Variants in CSTF3 observed in about 807,000 individuals in gnomAD.
CSTF3 encodes cleavage stimulation factor subunit 3, also known as CF-1 77 kDa subunit.
CSTF3 carries 29 observed loss-of-function variants against 105.8 expected under a neutral mutation model. The observed-to-expected ratio is 0.27, with a 90% confidence interval of 0.20 to 0.37. The LOEUF is 0.37. Ranked by LOEUF, CSTF3 falls within the 10% of genes least tolerant of loss-of-function variation. The probability of loss-of-function intolerance (pLI) is 1.00; values close to 1 mark genes in which losing one functional copy is unlikely to be tolerated. For synonymous variants in CSTF3, 252 were observed against 281.9 expected (o/e 0.89, Z 1.06); for missense variants, 357 against 879.3 (o/e 0.41, Z 7.51).
intron 1 of CSTF3, among the ~76,000 whole-genome samples, chr11:33,158,926 G>C (rs1849900748): frequency 6.6e-6 from 1 of 152,070 alleles, no homozygotes; most frequent in South Asian, 2.1e-4. Context: ...GAGAAGAATG[G>C]TGAGACTACT....
chr11:33,159,030 G>T (rs144695118), intron 1 of CSTF3, among the ~76,000 whole-genome samples: 7 of 152,226 alleles, frequency 4.6e-5, no homozygotes, highest in Non-Finnish European at 1.0e-4. Flanking sequence ...GAAATTTAAA[G>T]AACTAGATTT....
At chr11:33,086,624 G>C (rs910261492) in intron 18 of CSTF3, among the ~76,000 whole-genome samples, 1 of 152,070 alleles carries the variant, frequency 6.6e-6, no homozygotes, top group African/African-American at 2.4e-5. Context: ...TTTTAATAAA[G>C]ACAAAGTTTC....
intron 1 of CSTF3, among the ~76,000 whole-genome samples, chr11:33,155,208 T>C (rs1180118392): frequency 6.6e-6 from 1 of 151,570 alleles, no homozygotes; most frequent in Non-Finnish European, 1.5e-5. Flanking sequence ...TATAAAAAAT[T>C]AGCTGGGCGT....
In CSTF3 at chr11:33,085,011, C is replaced by G. The variant is rs1564999772; in HGVS notation, c.*76G>C. ...TGTTTCCAAGAACCTTGTAACAAAG[C>G]GTTGTCTCTTTTAAACATACCACTT... On this transcript the variant is annotated 3_prime_UTR_variant, in exon 21 of 21. Transcript: ENST00000323959. 6.8e-7 allele frequency: 1 copy of G among 1,469,998 alleles called. No homozygotes were observed. Among genetic ancestry groups the G allele is most frequent in the South Asian group, 1.1e-5 (1 of 87,366 alleles). The allele number at this position is 1,469,998 out of a possible 1,614,324, so 91.1% of individuals were successfully genotyped here. A position where few individuals can be genotyped will look rare whatever the true frequency, so the allele number is the denominator to read the frequency against.
Position 33,084,937 on chromosome 11 carries a change from G to A in CSTF3, c.*150C>T. On this transcript the variant is annotated 3_prime_UTR_variant, in exon 21 of 21. Coordinates refer to ENST00000323959, the MANE Select transcript of CSTF3 (RefSeq NM_001326.3). Reference sequence around the variant, plus strand: ...TTCTAAAATTCACACAGGTTGGTTTGTTTTTTCTCAAGAACCATGTGATAG... The same window carrying A: ...TTCTAAAATTCACACAGGTTGGTTTATTTTTTCTCAAGAACCATGTGATAG... 1.2e-6 allele frequency: 1 copy of A among 845,672 alleles called. No individual in the cohort carries two copies. The highest frequency in any genetic ancestry group is 1.9e-6 in the Non-Finnish European group (1 of 533,142). The allele number at this position is 845,672 out of a possible 1,614,324, so 52.4% of individuals were successfully genotyped here. A position where few individuals can be genotyped will look rare whatever the true frequency, so the allele number is the denominator to read the frequency against.
chr11:33,125,966 C>T (rs2133789770), intron 3 of CSTF3, among the ~76,000 whole-genome samples: 1 of 152,282 alleles, frequency 6.6e-6, no homozygotes, highest in African/African-American at 2.4e-5. Flanking sequence ...TAGCTGTTTT[C>T]AGTGAGAGAG....
At chr11:33,135,398 T>C (rs1935866016) in intron 3 of CSTF3, among the ~76,000 whole-genome samples, 1 of 152,140 alleles carries the variant, frequency 6.6e-6, no homozygotes, top group Non-Finnish European at 1.5e-5. Context: ...AAGATTCAAT[T>C]ACTGCCCTGC....
At chr11:33,109,689 G>A (rs1050066750) in intron 3 of CSTF3, among the ~76,000 whole-genome samples, 2 of 152,194 alleles carry the variant, frequency 1.3e-5, no homozygotes, top group African/African-American at 4.8e-5. Context: ...TGAGCACTGA[G>A]TAATTATCAT....
chr11:33,133,166 T>C (rs140928476), intron 3 of CSTF3, among the ~76,000 whole-genome samples: 1 of 152,242 alleles, frequency 6.6e-6, no homozygotes, highest in Non-Finnish European at 1.5e-5. Context: ...TTCCAATAGT[T>C]TTCAAACACA....
At chr11:33,140,548 C>T (rs1855699687) in intron 3 of CSTF3, among the ~76,000 whole-genome samples, 1 of 152,086 alleles carries the variant, frequency 6.6e-6, no homozygotes. Flanking sequence ...TACACTGTAG[C>T]CTCTATTTAA....
chr11:33,155,018 T>C (rs12360582), intron 1 of CSTF3, among the ~76,000 whole-genome samples: 84,398 of 151,528 alleles, frequency 0.56, 26,086 homozygotes, highest in Non-Finnish European at 0.69. Context: ...AAATCATCCA[T>C]AGATTAAAAA....
At chr11:33,086,031 A>T (rs1855102005) in intron 18 of CSTF3, 42 bp from the exon 19 acceptor site, 1 of 1,241,226 alleles carries the variant, frequency 8.1e-7, no homozygotes, top group Admixed American at 3.2e-5. Flanking sequence ...GAATGGAAGA[A>T]TTTCTACACA....
rs549074538 is a variant in CSTF3, at chr11:33,090,476, T to C, written c.1641+56A>G. On this transcript the variant is annotated intron_variant, in intron 17 of 20. Coordinates refer to ENST00000323959, the MANE Select transcript of CSTF3 (RefSeq NM_001326.3). Reference sequence around the variant, plus strand: ...TTTAGAGTGCAGGTTATCAATGAACTCTTCTAAAACACTGGAAAAGTGAGG... The same window carrying C: ...TTTAGAGTGCAGGTTATCAATGAACCCTTCTAAAACACTGGAAAAGTGAGG... 6.1e-5 allele frequency: 65 copies of C among 1,066,260 alleles called. No individual in the cohort carries two copies. The Admixed American group carries it at 7.2e-4, about 12-fold the overall frequency. The allele number at this position is 1,066,260 out of a possible 1,614,324, so 66.0% of individuals were successfully genotyped here. A position where few individuals can be genotyped will look rare whatever the true frequency, so the allele number is the denominator to read the frequency against.
chr11:33,105,516 G>GAAAT, intron 8 of CSTF3, 51 bp downstream of exon 8: 2 of 1,516,304 alleles, frequency 1.3e-6, no homozygotes, highest in Non-Finnish European at 1.8e-6. Context: ...ACAATGCATA[G>GAAAT]AAATTAAAAT....
At chr11:33,150,219 T>TAAAAAAAAA (rs10714096) in intron 1 of CSTF3, among the ~76,000 whole-genome samples, 281 of 104,172 alleles carry the variant, frequency 2.7e-3, no homozygotes, top group Non-Finnish European at 3.9e-3. Context: ...TGTCTCAAAC[T>TAAAAAAAAA]AAAAAAAAAA....
chr11:33,115,801 T>G (rs1032795482), intron 3 of CSTF3, among the ~76,000 whole-genome samples: 1 of 152,190 alleles, frequency 6.6e-6, no homozygotes, highest in African/African-American at 2.4e-5. Context: ...AAATGCCAGG[T>G]GTAGTAGTTC....
intron 1 of CSTF3, chr11:33,144,837 AG>A: frequency 5.5e-6 from 1 of 181,210 alleles, no homozygotes; most frequent in Non-Finnish European, 1.2e-5. Context: ...AAAATTAGCC[AG>A]GTGTGTGCCA....
intron 3 of CSTF3, 46 bp from the exon 4 acceptor site, chr11:33,108,464 GCAT>G (rs1855348054): frequency 7.4e-7 from 1 of 1,347,192 alleles, no homozygotes; most frequent in South Asian, 1.7e-5. Flanking sequence ...TTTTTTTAGA[GCAT>G]CAGTCTGAAT....
At chr11:33,135,155 G>C (rs1855639589) in intron 3 of CSTF3, among the ~76,000 whole-genome samples, 1 of 152,080 alleles carries the variant, frequency 6.6e-6, no homozygotes, top group Admixed American at 6.5e-5. Context: ...CAGAAAATCA[G>C]TTTTCAAACC....
Sources: gnomAD v4.1 joint callset for allele counts (sites outside exome capture counted in the v4.1 genomes callset) on GRCh38, gnomAD v4.1.1 for gene constraint, MANE v1.5 for transcripts, NCBI Gene and HGNC (gene_info 2026-07-23, HGNC 2026-07-21) for gene names.